CACNA1I: variants seen among roughly 807,000 people sequenced by gnomAD.
CACNA1I encodes voltage-dependent T-type calcium channel subunit alpha-1I.
In CACNA1I, 74 loss-of-function variants were observed where a neutral mutation model predicts 201.6. That is an observed-to-expected ratio of 0.37 (90% CI 0.30 to 0.45). CACNA1I has a LOEUF of 0.45. Ranked by LOEUF, CACNA1I falls within the 20% of genes least tolerant of loss-of-function variation. The pLI is 1.00. For synonymous variants in CACNA1I, 1,431 were observed against 1,345.2 expected, an observed-to-expected ratio of 1.06 and a Z score of -1.40; for missense variants, 2,346 against 3,138.1, an observed-to-expected ratio of 0.75 and a Z score of 6.03.
chr22:39,645,576 G>A (rs1267600289), intron 7 of CACNA1I, among the ~76,000 whole-genome samples: 1 of 152,208 alleles, frequency 6.6e-6, no homozygotes, highest in Non-Finnish European at 1.5e-5. Context: ...CGAGAGGCAG[G>A]GGATTTTCCC....
chr22:39,639,356 G>A (rs1934297493), intron 5 of CACNA1I, among the ~76,000 whole-genome samples: 1 of 152,090 alleles, frequency 6.6e-6, no homozygotes, highest in African/African-American at 2.4e-5. Context: ...TAGTCAATCT[G>A]GTCGAACTTT....
rs1934838890 is a variant in CACNA1I at position 39,656,824 on chromosome 22, TA to T, written c.1993-1324del. On this transcript the variant is annotated intron_variant, in intron 10 of 36. Coordinates refer to ENST00000402142, the MANE Select transcript of CACNA1I (RefSeq NM_021096.4). ...TCCCTAGCCTCAGTCTCCTCATCTG[TA>T]AAACGGAGAGGCTAACTTGTGTTGG... 3 of 514,476 alleles carry T rather than the reference TA, an allele frequency of 5.8e-6. No individual in the cohort carries two copies. In the Admixed American group the frequency reaches 5.9e-5, roughly 10 times the overall value. 31.9% of individuals were successfully genotyped at this position (514,476 alleles called of 1,614,324 possible). A position where few individuals can be genotyped will look rare whatever the true frequency, so the allele number is the denominator to read the frequency against.
intron 2 of CACNA1I, 150 bp downstream of exon 2, chr22:39,598,412 C>G: frequency 1.6e-6 from 1 of 619,604 alleles, no homozygotes; most frequent in Non-Finnish European, 2.9e-6. Flanking sequence ...CCATCCTGCG[C>G]TGCACTACCA....
At chr22:39,598,985 T>TCGCCCCAGGCTGGAGTGCAGTGG in intron 2 of CACNA1I, among the ~76,000 whole-genome samples, 1 of 133,920 alleles carries the variant, frequency 7.5e-6, no homozygotes, top group East Asian at 2.2e-4. Context: ...TCTCACTGTG[T>TCGCCCCAGGCTGGAGTGCAGTGG]CGCCCCAGGC....
chr22:39,581,781 A>G (rs1932558152), intron 1 of CACNA1I, among the ~76,000 whole-genome samples: 1 of 152,198 alleles, frequency 6.6e-6, no homozygotes, highest in East Asian at 1.9e-4. Context: ...AGTCTTTTTA[A>G]TCAGCCAGGA....
intron 4 of CACNA1I, among the ~76,000 whole-genome samples, chr22:39,628,598 C>T (rs1027573549): frequency 6.6e-6 from 1 of 152,192 alleles, no homozygotes; most frequent in Non-Finnish European, 1.5e-5. Context: ...CAAGGCCCTC[C>T]ACCAGCCCAC....
At chr22:39,662,666 A>G (rs1177954462) in intron 17 of CACNA1I, 110 bp from the exon 18 acceptor site, 2 of 803,530 alleles carry the variant, frequency 2.5e-6, no homozygotes, top group Admixed American at 2.1e-5. Flanking sequence ...CCCGGGGGGC[A>G]GAGAGTTCGG....
intron 20 of CACNA1I, 52 bp from the exon 21 acceptor site, chr22:39,664,687 A>AC: frequency 2.1e-5 from 5 of 237,532 alleles, no homozygotes; most frequent in South Asian, 8.6e-5. Context: ...GGCCCCGCCC[A>AC]CCTGCCCGCC....
intron 1 of CACNA1I, among the ~76,000 whole-genome samples, chr22:39,574,836 AG>A (rs935617728): frequency 2.6e-5 from 4 of 152,058 alleles, no homozygotes; most frequent in African/African-American, 9.7e-5. Flanking sequence ...CGGGAAGGGG[AG>A]GGCAGCATGG....
intron 10 of CACNA1I, chr22:39,656,351 C>T (rs1219350313): frequency 1.9e-6 from 1 of 513,976 alleles, no homozygotes; most frequent in Admixed American, 2.0e-5. Context: ...CAGCTGGGTC[C>T]TCCACCTGCA....
At chr22:39,678,239 A>C in intron 31 of CACNA1I, 131 bp downstream of exon 31, 1 of 1,093,806 alleles carries the variant, frequency 9.1e-7, no homozygotes, top group Non-Finnish European at 1.3e-6. Context: ...GGCACGGAGG[A>C]GTGGAGGGGC....
chr22:39,663,711 T>TGCCGGGGCA lies in CACNA1I; in HGVS notation c.3474-4_3474-3insGGGGCAGCC. 1 of 750,292 alleles carries TGCCGGGGCA rather than the reference T, an allele frequency of 1.3e-6. No homozygotes were observed. The highest frequency in any genetic ancestry group is 1.3e-5 in the South Asian group (1 of 74,856). 46.5% of individuals were successfully genotyped at this position (750,292 alleles called of 1,614,324 possible). ...ACGCTCAGGCAGCCCCCGCCCACCC[T>TGCCGGGGCA]GCCCAGGTTCCGGGTCCTGTGTCAG... On this transcript the variant is annotated splice_region_variant and splice_polypyrimidine_tract_variant and intron_variant, in intron 18 of 36. Coordinates refer to ENST00000402142, the MANE Select transcript of CACNA1I (RefSeq NM_021096.4).
At chr22:39,657,933 G>GT (rs1386711782) in intron 10 of CACNA1I, among the ~76,000 whole-genome samples, 2 of 152,226 alleles carry the variant, frequency 1.3e-5, no homozygotes, top group Non-Finnish European at 2.9e-5. Flanking sequence ...GCGCTGTGGG[G>GT]TCCCCCAACC....
At chr22:39,583,083 A>G (rs1173793643) in intron 1 of CACNA1I, among the ~76,000 whole-genome samples, 9 of 73,150 alleles carry the variant, frequency 1.2e-4, no homozygotes, top group African/African-American at 1.8e-4. Flanking sequence ...CATCCATCCA[A>G]CAATCCGTCC....
At chr22:39,651,681 G>A (rs1006889302) in intron 10 of CACNA1I, among the ~76,000 whole-genome samples, 9 of 152,220 alleles carry the variant, frequency 5.9e-5, no homozygotes, top group South Asian at 4.2e-4. Flanking sequence ...CTCGAGCCCC[G>A]GCACTGTCCT....
At chr22:39,683,593 C>T (rs1438934045) in intron 35 of CACNA1I, among the ~76,000 whole-genome samples, 1 of 152,316 alleles carries the variant, frequency 6.6e-6, no homozygotes, top group East Asian at 1.9e-4. Flanking sequence ...GCATAGGAAC[C>T]CCAGCCAGGA....
intron 6 of CACNA1I, among the ~76,000 whole-genome samples, chr22:39,641,717 C>A (rs1025622600): frequency 6.6e-6 from 1 of 152,256 alleles, no homozygotes; most frequent in South Asian, 2.1e-4. Flanking sequence ...CAGCACTAGC[C>A]TCATGGCGTG....
chr22:39,632,272 C>G (rs1271049603), intron 4 of CACNA1I, among the ~76,000 whole-genome samples: 3 of 152,184 alleles, frequency 2.0e-5, no homozygotes, highest in Admixed American at 6.5e-5. Flanking sequence ...CTGCCCCTGT[C>G]CTGGCCTCGG....
At chr22:39,593,260 A>G (rs1932843200) in intron 1 of CACNA1I, among the ~76,000 whole-genome samples, 1 of 152,218 alleles carries the variant, frequency 6.6e-6, no homozygotes, top group Non-Finnish European at 1.5e-5. Context: ...GAGTGGTGTC[A>G]GCTCTCCAGG....
Sources: gnomAD v4.1 joint callset for allele counts (sites outside exome capture counted in the v4.1 genomes callset) on GRCh38, gnomAD v4.1.1 for gene constraint, MANE v1.5 for transcripts, NCBI Gene and HGNC (gene_info 2026-07-23, HGNC 2026-07-21) for gene names.